DOCK1: variants seen among roughly 807,000 people sequenced by gnomAD.
DOCK1 encodes the protein dedicator of cytokinesis protein 1.
Under a neutral mutation model 262.7 loss-of-function variants are expected in DOCK1, and 138 were observed. The observed-to-expected ratio is 0.53, with a 90% CI of 0.46 to 0.61. The LOEUF (loss-of-function observed/expected upper bound fraction) is 0.61. Ranked by LOEUF, DOCK1 falls within the 20% of genes least tolerant of loss-of-function variation. DOCK1 has a pLI of 0.00. For missense variants in DOCK1, 1,908 were observed against 2,370.7 expected, an observed-to-expected ratio of 0.80 and a Z score of 4.05; for synonymous variants, 866 against 867.4, an observed-to-expected ratio of 1.00 and a Z score of 0.03.
intron 1 of DOCK1, among the ~76,000 whole-genome samples, chr10:126,947,349 G>GTGGTTGGTAGTATTACTGTTGGTGGTGA (rs2035525889): frequency 8.0e-6 from 1 of 125,002 alleles, no homozygotes; most frequent in African/African-American, 3.2e-5. Flanking sequence ...GTTGGTGATG[G>GTGGTTGGTAGTATTACTGTTGGTGGTGA]TGGTGGTTGG....
intron 29 of DOCK1, among the ~76,000 whole-genome samples, chr10:127,260,871 ATGTG>A (rs140171742): frequency 2.9e-4 from 21 of 72,598 alleles, no homozygotes; most frequent in African/African-American, 8.9e-4. Flanking sequence ...GTGTGTGTGC[ATGTG>A]TGTGTGTGTG....
chr10:126,958,343 G>T (rs911492755), intron 1 of DOCK1, among the ~76,000 whole-genome samples: 23 of 152,278 alleles, frequency 1.5e-4, no homozygotes, highest in African/African-American at 4.6e-4. Context: ...TAATACGCAG[G>T]AATGTTGCTG....
chr10:127,197,518 T>C (rs1016444747), intron 27 of DOCK1, among the ~76,000 whole-genome samples: 1 of 152,214 alleles, frequency 6.6e-6, no homozygotes, highest in Non-Finnish European at 1.5e-5. Context: ...CCCCTGGATT[T>C]GCTCCTAGAA....
intron 25 of DOCK1, among the ~76,000 whole-genome samples, chr10:127,117,881 C>T (rs2049291425): frequency 6.6e-6 from 1 of 152,086 alleles, no homozygotes; most frequent in Non-Finnish European, 1.5e-5. Context: ...TAGCCTGGGA[C>T]AGTGGAAAGA....
chr10:127,313,802 G>T (rs891729587), intron 29 of DOCK1, among the ~76,000 whole-genome samples: 1 of 152,142 alleles, frequency 6.6e-6, no homozygotes, highest in Non-Finnish European at 1.5e-5. Context: ...AGGGCTGAGG[G>T]ATTTCATCTA....
chr10:127,209,816 G>A (rs187229840), intron 27 of DOCK1, among the ~76,000 whole-genome samples: 1 of 152,310 alleles, frequency 6.6e-6, no homozygotes, highest in East Asian at 1.9e-4. Flanking sequence ...GATTGCAAAG[G>A]TGGTTATAAA....
At chr10:127,255,103 CAAACTA>C (rs1334063859) in intron 28 of DOCK1, among the ~76,000 whole-genome samples, 1 of 152,128 alleles carries the variant, frequency 6.6e-6, no homozygotes, top group Non-Finnish European at 1.5e-5. Context: ...TGTGAATAGT[CAAACTA>C]AAACATGCAG....
At chr10:126,917,133 A>G (rs1291246652) in intron 1 of DOCK1, among the ~76,000 whole-genome samples, 3 of 152,166 alleles carry the variant, frequency 2.0e-5, no homozygotes, top group Non-Finnish European at 4.4e-5. Context: ...AGACACCCCG[A>G]GCAGCTCTGG....
intron 29 of DOCK1, among the ~76,000 whole-genome samples, chr10:127,330,591 A>C (rs1317117737): frequency 1.3e-5 from 2 of 152,224 alleles, no homozygotes; most frequent in Non-Finnish European, 2.9e-5. Flanking sequence ...GGTATCATCA[A>C]CTGAAGAATC....
intron 27 of DOCK1, among the ~76,000 whole-genome samples, chr10:127,138,708 T>A (rs1033372052): frequency 7.2e-5 from 11 of 152,148 alleles, no homozygotes; most frequent in African/African-American, 2.7e-4. Flanking sequence ...ATTCCATCAC[T>A]CAAGCCATGG....
intron 27 of DOCK1, among the ~76,000 whole-genome samples, chr10:127,214,319 AT>A (rs950795950): frequency 2.0e-5 from 3 of 152,166 alleles, no homozygotes; most frequent in African/African-American, 7.2e-5. Flanking sequence ...CTCTACACAG[AT>A]TTGGGATTCA....
chr10:127,024,944 T>G, intron 15 of DOCK1, 161 bp downstream of exon 15: 1 of 572,212 alleles, frequency 1.7e-6, no homozygotes, highest in East Asian at 2.9e-5. Flanking sequence ...ACCACACTGG[T>G]GTTTCTTAGA....
chr10:127,361,106 C>CTTTTT lies in DOCK1; in HGVS notation c.3284-937_3284-933dup, dbSNP rs1175942298. On this transcript the variant is annotated intron_variant, in intron 32 of 51. Coordinates refer to ENST00000623213, the MANE Select transcript of DOCK1 (RefSeq NM_001290223.2). Reference sequence around the variant, plus strand: ...GTGAAATGAGATTAATAAAGTAGTTCTTTTTTTTTTTTTTTTTTTTTTTTT... The same window carrying CTTTTT: ...GTGAAATGAGATTAATAAAGTAGTTCTTTTTTTTTTTTTTTTTTTTTTTTTTTTTT... Among the ~76,000 whole-genome samples the CTTTTT allele has an allele frequency of 4.8e-4, 42 of 87,426 alleles. 1 individual carries two copies. The highest frequency in any genetic ancestry group is 1.1e-3 in the African/African-American group (22 of 20,814). 57.4% of individuals were successfully genotyped at this position (87,426 alleles called of 152,430 possible).
chr10:127,044,846 T>C (rs968131452), intron 21 of DOCK1, among the ~76,000 whole-genome samples: 1 of 152,134 alleles, frequency 6.6e-6, no homozygotes, highest in African/African-American at 2.4e-5. Context: ...AGTTTCCTAA[T>C]GAGACAAACA....
chr10:127,397,830 C>T (rs563766149), intron 38 of DOCK1, among the ~76,000 whole-genome samples: 6 of 151,452 alleles, frequency 4.0e-5, no homozygotes, highest in African/African-American at 7.3e-5. Flanking sequence ...ACCCGGGCAG[C>T]GACTCCTGTG....
intron 27 of DOCK1, among the ~76,000 whole-genome samples, chr10:127,241,500 G>T (rs551915470): frequency 1.3e-5 from 2 of 152,194 alleles, no homozygotes; most frequent in South Asian, 4.1e-4. Context: ...CCAAGTTTGT[G>T]CACAGAGCAT....
chr10:127,056,970 T>TCCCAC (rs1405998884), intron 22 of DOCK1, among the ~76,000 whole-genome samples: 7 of 145,322 alleles, frequency 4.8e-5, no homozygotes, highest in African/African-American at 7.4e-5. Context: ...GTCCTCCCCA[T>TCCCAC]CCCACCCCTG....
chr10:127,362,647 T>C (rs919776473), intron 33 of DOCK1, among the ~76,000 whole-genome samples: 6 of 152,186 alleles, frequency 3.9e-5, no homozygotes, highest in Non-Finnish European at 8.8e-5. Flanking sequence ...CTTTTGCCTG[T>C]GCAATGGAAC....
intron 1 of DOCK1, among the ~76,000 whole-genome samples, chr10:126,929,961 C>A (rs2034063962): frequency 6.6e-6 from 1 of 152,158 alleles, no homozygotes; most frequent in Non-Finnish European, 1.5e-5. Flanking sequence ...TTAGCAGTTT[C>A]TTCTTTTTTT....
Sources: allele counts gnomAD v4.1 joint callset (sites outside exome capture counted in the v4.1 genomes callset), GRCh38; gene constraint gnomAD v4.1.1; transcripts MANE v1.5; gene names NCBI Gene and HGNC (gene_info 2026-07-23, HGNC 2026-07-21).